The following CTNNA1 variants were observed in gnomAD, a reference collection of about 807,000 sequenced individuals.
The protein encoded by CTNNA1 is catenin alpha-1.
Under a neutral mutation model 98.4 loss-of-function variants are expected in CTNNA1, and 37 were observed. The observed-to-expected ratio is 0.38, with a 90% confidence interval of 0.29 to 0.49. The LOEUF is 0.49. Ranked by LOEUF, CTNNA1 falls within the 20% of genes least tolerant of loss-of-function variation. CTNNA1 has a pLI of 0.95. For synonymous variants in CTNNA1, 404 were observed against 413.2 expected, an observed-to-expected ratio of 0.98 and a Z score of 0.27; for missense variants, 761 against 1,147.2, an observed-to-expected ratio of 0.66 and a Z score of 4.86.
At chr5:138,864,109 C>T (rs746654962) in intron 7 of CTNNA1, among the ~76,000 whole-genome samples, 4 of 152,146 alleles carry the variant, frequency 2.6e-5, no homozygotes, top group Non-Finnish European at 5.9e-5. Context: ...ACTACAGGTG[C>T]ACCACACCCA....
At chr5:138,907,969 C>CTT (rs199581293) in intron 10 of CTNNA1, among the ~76,000 whole-genome samples, 6,136 of 149,122 alleles carry the variant, frequency 0.041, 331 homozygotes, top group African/African-American at 0.13. Context: ...CCCATCCGCC[C>CTT]TTTTTTTTTT....
intron 7 of CTNNA1, among the ~76,000 whole-genome samples, chr5:138,836,867 G>A (rs1383027570): frequency 2.0e-5 from 3 of 152,288 alleles, no homozygotes; most frequent in Non-Finnish European, 4.4e-5. Flanking sequence ...CTGGTGGGGC[G>A]ATGGGCACTA....
intron 7 of CTNNA1, among the ~76,000 whole-genome samples, chr5:138,885,576 T>C (rs1753851025): frequency 6.6e-6 from 1 of 152,192 alleles, no homozygotes; most frequent in South Asian, 2.1e-4. Flanking sequence ...GAAGACATGC[T>C]GTTTTACATA....
chr5:138,788,299 A>G (rs921375797), intron 3 of CTNNA1, among the ~76,000 whole-genome samples: 1 of 152,202 alleles, frequency 6.6e-6, no homozygotes, highest in Non-Finnish European at 1.5e-5. Context: ...GAGTAAGATA[A>G]TTGATTATTC....
intron 7 of CTNNA1, among the ~76,000 whole-genome samples, chr5:138,857,415 A>T (rs886594920): frequency 2.0e-5 from 3 of 152,152 alleles, no homozygotes; most frequent in African/African-American, 4.8e-5. Flanking sequence ...GTACCCAGCC[A>T]TATTGAAATC....
chr5:138,930,742 C>T, intron 15 of CTNNA1, 88 bp downstream of exon 15: 1 of 1,537,870 alleles, frequency 6.5e-7, no homozygotes, highest in Non-Finnish European at 9.0e-7. Flanking sequence ...CAGCCCAGGC[C>T]ATGGGGCTTT....
At chr5:138,915,097 A>G (rs765803214) in intron 10 of CTNNA1, among the ~76,000 whole-genome samples, 1 of 152,144 alleles carries the variant, frequency 6.6e-6, no homozygotes, top group Non-Finnish European at 1.5e-5. Flanking sequence ...CAGTGAGCTG[A>G]CATTGCGCCA....
At chr5:138,785,625 A>G (rs1441201542) in intron 3 of CTNNA1, among the ~76,000 whole-genome samples, 1 of 151,884 alleles carries the variant, frequency 6.6e-6, no homozygotes, top group Non-Finnish European at 1.5e-5. Context: ...CAGTGGTGCG[A>G]TCTTGGCTCA....
rs992415144 is a variant in CTNNA1, at chr5:138,905,791, G to A, written c.1389+1350G>A. Among the ~76,000 whole-genome samples the A allele has an allele frequency of 2.0e-5, 3 of 152,338 alleles. No homozygotes were observed. The East Asian group carries it at 5.8e-4, about 29-fold the overall frequency. ...TTGTCATTCCAGGGATTTCTAAGGA[G>A]TATAAGTGATGATTCAGTAGAAGAG... On this transcript the variant is annotated intron_variant, in intron 10 of 17. Coordinates refer to ENST00000302763, the MANE Select transcript of CTNNA1 (RefSeq NM_001903.5).
At position 138,796,538 on chromosome 5, in the gene CTNNA1, C is replaced by T. The variant is rs113499893; in HGVS notation, c.301+13166C>T. Among the ~76,000 whole-genome samples, 195 of 89,472 alleles carry T rather than the reference C, an allele frequency of 2.2e-3. 1 individual carries two copies. The highest frequency in any genetic ancestry group is 8.6e-3 in the African/African-American group (179 of 20,794). The allele number at this position is 89,472 out of a possible 152,430, so 58.7% of individuals were successfully genotyped here. On this transcript the variant is annotated intron_variant, in intron 3 of 17. Transcript: ENST00000302763. Reference sequence around the variant, plus strand: ...CAGCCTGAGCGACTGAGCGAGACTCCGTCTCAAAAAAAAAAAAAAAAGTAG... The same window carrying T: ...CAGCCTGAGCGACTGAGCGAGACTCTGTCTCAAAAAAAAAAAAAAAAGTAG...
At chr5:138,900,487 G>A (rs973492902) in intron 9 of CTNNA1, among the ~76,000 whole-genome samples, 2 of 152,118 alleles carry the variant, frequency 1.3e-5, no homozygotes, top group African/African-American at 4.8e-5. Flanking sequence ...GAAGCCAGGA[G>A]CAGTTAAGGA....
At chr5:138,818,303 T>G (rs1759664029) in intron 5 of CTNNA1, among the ~76,000 whole-genome samples, 1 of 150,644 alleles carries the variant, frequency 6.6e-6, no homozygotes, top group Non-Finnish European at 1.5e-5. Flanking sequence ...TGGGTAGAGA[T>G]AGGGTCTTGT....
At chr5:138,899,113 C>T (rs1201103171) in intron 9 of CTNNA1, among the ~76,000 whole-genome samples, 2 of 152,024 alleles carry the variant, frequency 1.3e-5, no homozygotes, top group African/African-American at 2.4e-5. Flanking sequence ...ATTGCATTTT[C>T]GATCATTTGA....
Position 138,768,569 on chromosome 5 carries a change from T to G in CTNNA1, c.-2-13354T>G, listed in dbSNP as rs1015845714. ...AGACAACGGTGTCTGTTTTTTTTTTTTTTTTTTTTTTTTGAGATGGAGTCT... is the reference window on the plus strand; with the variant it reads ...AGACAACGGTGTCTGTTTTTTTTTTGTTTTTTTTTTTTTGAGATGGAGTCT... On this transcript the variant is annotated intron_variant, in intron 1 of 17. Transcript: ENST00000302763. Among the ~76,000 whole-genome samples, 32 of 146,160 alleles carry G rather than the reference T, an allele frequency of 2.2e-4. 1 individual carries two copies. The highest frequency in any genetic ancestry group is 1.2e-3 in the Admixed American group (18 of 14,568).
At chr5:138,823,993 A>C in intron 5 of CTNNA1, among the ~76,000 whole-genome samples, 1 of 145,568 alleles carries the variant, frequency 6.9e-6, no homozygotes, top group Non-Finnish European at 1.5e-5. Context: ...AAAATTATGT[A>C]ACTTGATAAA....
intron 14 of CTNNA1, among the ~76,000 whole-genome samples, 169 bp from the exon 15 acceptor site, chr5:138,930,304 C>T (rs1765029101): frequency 6.6e-6 from 1 of 152,102 alleles, no homozygotes. Flanking sequence ...TTCAGGCTGC[C>T]ATAAGTTTCT....
At chr5:138,770,415 A>G (rs1206066010) in intron 1 of CTNNA1, among the ~76,000 whole-genome samples, 1 of 152,196 alleles carries the variant, frequency 6.6e-6, no homozygotes, top group Non-Finnish European at 1.5e-5. Context: ...AGCTGAGGAA[A>G]TGAACATAGA....
intron 7 of CTNNA1, among the ~76,000 whole-genome samples, chr5:138,842,106 C>T (rs1000407932): frequency 1.3e-5 from 2 of 152,060 alleles, no homozygotes; most frequent in Non-Finnish European, 2.9e-5. Flanking sequence ...ATTATACCGG[C>T]CGGGGCAACA....
rs944598828 is a variant in CTNNA1 at position 138,874,745 on chromosome 5, A to G, written c.1063-11467A>G. On this transcript the variant is annotated intron_variant, in intron 7 of 17. Transcript: ENST00000302763. The surrounding 1 kb of genome is among the most constrained non-coding windows in gnomAD (Gnocchi z 4.1). ...GGACCAAAACTTAAGCCATTTAAAA[A>G]GAAGATAAAACATGTCTCTGTCATC... 2.0e-5 allele frequency among the ~76,000 whole-genome samples: 3 copies of G among 152,236 alleles called. No individual in the cohort carries two copies. Among genetic ancestry groups the G allele is most frequent in the Admixed American group, 2.0e-4 (3 of 15,288 alleles).
Sources: gnomAD v4.1 joint callset for allele counts (sites outside exome capture counted in the v4.1 genomes callset) on GRCh38, gnomAD v4.1.1 for gene constraint, Gnocchi (gnomAD v3.1) non-coding constraint, MANE v1.5 for transcripts, NCBI Gene and HGNC (gene_info 2026-07-23, HGNC 2026-07-21) for gene names.